Variants in SLC24A2 observed in about 807,000 individuals in gnomAD.
SLC24A2 encodes sodium/potassium/calcium exchanger 2.
Under a neutral mutation model 62.0 loss-of-function variants are expected in SLC24A2, and 36 were observed. That is an observed-to-expected ratio of 0.58 (90% CI 0.44 to 0.77). SLC24A2 has a LOEUF of 0.77. Ranked by LOEUF, SLC24A2 falls within the 30% of genes least tolerant of loss-of-function variation. SLC24A2 has a pLI of 0.00. For missense variants in SLC24A2, 846 were observed against 817.9 expected, an observed-to-expected ratio of 1.03 and a Z score of -0.42; for synonymous variants, 358 against 294.0, an observed-to-expected ratio of 1.22 and a Z score of -2.23.
At chr9:20,193,052 G>A in the SLC24A2 span, among the ~76,000 whole-genome samples, 2 of 152,100 alleles carry the variant, frequency 1.3e-5, no homozygotes, top group Non-Finnish European at 2.9e-5. Flanking sequence ...ATCATAAGAG[G>A]TCTAAAGTCA....
the SLC24A2 span, among the ~76,000 whole-genome samples, chr9:20,050,696 C>A: frequency 1.3e-5 from 2 of 152,126 alleles, no homozygotes; most frequent in Admixed American, 1.3e-4. Context: ...GAATACATTA[C>A]CCAGCATAGT....
chr9:19,532,123 C>T (rs1243525996), intron 8 of SLC24A2, among the ~76,000 whole-genome samples: 4 of 152,086 alleles, frequency 2.6e-5, no homozygotes, highest in Admixed American at 6.6e-5. Context: ...CCTGTTGTTG[C>T]CCAGGCTGGA....
At chr9:20,153,714 C>A in the SLC24A2 span, among the ~76,000 whole-genome samples, 6 of 151,840 alleles carry the variant, frequency 4.0e-5, no homozygotes, top group Non-Finnish European at 5.9e-5. Flanking sequence ...TGGTCAATAG[C>A]TTCAAACAAA....
At chr9:20,188,435 G>C in the SLC24A2 span, among the ~76,000 whole-genome samples, 22 of 152,206 alleles carry the variant, frequency 1.4e-4, no homozygotes, top group African/African-American at 5.1e-4. Context: ...TCCTGCATGA[G>C]CAAATGAGAG....
intron 2 of SLC24A2, among the ~76,000 whole-genome samples, chr9:19,627,573 T>C (rs955020355): frequency 6.6e-6 from 1 of 152,186 alleles, no homozygotes; most frequent in African/African-American, 2.4e-5. Flanking sequence ...TTGCCCAGGC[T>C]GGAGTGCAGT....
the SLC24A2 span, among the ~76,000 whole-genome samples, chr9:19,970,444 TTTTTTC>T: frequency 2.0e-5 from 3 of 152,172 alleles, no homozygotes; most frequent in African/African-American, 7.2e-5. Context: ...TGTGTGAGTG[TTTTTTC>T]TTTTTCTTAT....
intron 9 of SLC24A2, 132 bp downstream of exon 9, chr9:19,527,916 CT>C (rs1833514877): frequency 1.4e-6 from 1 of 707,436 alleles, no homozygotes; most frequent in Admixed American, 2.0e-5. Flanking sequence ...TCCTCTAGTC[CT>C]GGAATGCTAA....
the SLC24A2 span, among the ~76,000 whole-genome samples, chr9:20,058,765 C>G: frequency 2.6e-4 from 39 of 152,340 alleles, no homozygotes; most frequent in African/African-American, 4.8e-4. Context: ...AACCCTGTCT[C>G]TAACAAAACA....
chr9:20,046,394 G>A, the SLC24A2 span, among the ~76,000 whole-genome samples: 6 of 152,232 alleles, frequency 3.9e-5, no homozygotes, highest in Non-Finnish European at 8.8e-5. Context: ...CACTTAGGCA[G>A]ACAATGCCCA....
the SLC24A2 span, among the ~76,000 whole-genome samples, chr9:20,228,061 G>A: frequency 3.4e-3 from 520 of 152,104 alleles, 1 homozygote; most frequent in African/African-American, 0.011. Flanking sequence ...CTATTTTTCC[G>A]CAAATCCTCA....
chr9:20,231,453 C>T, the SLC24A2 span, among the ~76,000 whole-genome samples: 34 of 152,064 alleles, frequency 2.2e-4, no homozygotes, highest in Non-Finnish European at 4.3e-4. Flanking sequence ...CCTTCACATC[C>T]CTTTTAAGTT....
intron 2 of SLC24A2, among the ~76,000 whole-genome samples, chr9:19,713,798 G>A (rs1190617968): frequency 1.3e-5 from 2 of 152,076 alleles, no homozygotes; most frequent in East Asian, 3.9e-4. Flanking sequence ...TCCCCCCGAT[G>A]ATTTGTTATA....
the SLC24A2 span, among the ~76,000 whole-genome samples, chr9:19,960,649 T>G: frequency 6.6e-6 from 1 of 152,208 alleles, no homozygotes; most frequent in African/African-American, 2.4e-5. Context: ...GTACTTAGTG[T>G]GTCCCACAGA....
chr9:19,799,960 C>T, the SLC24A2 span, among the ~76,000 whole-genome samples: 4 of 152,072 alleles, frequency 2.6e-5, no homozygotes, highest in East Asian at 7.7e-4. Context: ...AGGGGAGAAT[C>T]CTTCATTGTC....
intron 2 of SLC24A2, among the ~76,000 whole-genome samples, chr9:19,738,424 T>C (rs1047472353): frequency 3.4e-4 from 51 of 152,146 alleles, no homozygotes; most frequent in African/African-American, 1.2e-3. Flanking sequence ...CATGCATTCT[T>C]TAATAAATGT....
chr9:19,887,748 A>T, the SLC24A2 span, among the ~76,000 whole-genome samples: 51 of 152,210 alleles, frequency 3.4e-4, no homozygotes, highest in African/African-American at 1.1e-3. Context: ...ATATACTTAA[A>T]TATGGAACCA....
the SLC24A2 span, among the ~76,000 whole-genome samples, chr9:20,296,737 A>G: frequency 3.3e-5 from 5 of 152,234 alleles, no homozygotes; most frequent in African/African-American, 9.6e-5. Context: ...AGATGACCAC[A>G]GTTATAAAGC....
chr9:20,104,836 C>T, the SLC24A2 span, among the ~76,000 whole-genome samples: 104 of 152,224 alleles, frequency 6.8e-4, no homozygotes, highest in African/African-American at 2.4e-3. Flanking sequence ...CAGGATCAAA[C>T]TCACACATAA....
chr9:20,066,284 A>G, the SLC24A2 span, among the ~76,000 whole-genome samples: 2 of 152,224 alleles, frequency 1.3e-5, no homozygotes, highest in African/African-American at 4.8e-5. Context: ...TTGCCTTTAG[A>G]TCTTCAGGCT....
Sources: allele counts gnomAD v4.1 joint callset (sites outside exome capture counted in the v4.1 genomes callset), GRCh38; gene constraint gnomAD v4.1.1; transcripts MANE v1.5; gene names NCBI Gene and HGNC (gene_info 2026-07-23, HGNC 2026-07-21).